Variants in MAST4 observed in about 807,000 individuals in gnomAD.
The protein encoded by MAST4 is microtubule-associated serine/threonine-protein kinase 4.
In MAST4, 89 loss-of-function variants were observed where a neutral mutation model predicts 162.7. The observed-to-expected ratio is 0.55, with a 90% confidence interval of 0.46 to 0.65. The LOEUF is 0.65. Ranked by LOEUF, MAST4 falls within the 30% of genes least tolerant of loss-of-function variation. The probability of loss-of-function intolerance (pLI) is 0.00; values close to 1 mark genes in which losing one functional copy is unlikely to be tolerated. For missense variants in MAST4, 3,153 were observed against 3,374.0 expected (o/e 0.93, Z 1.62); for synonymous variants, 1,479 against 1,361.1 (o/e 1.09, Z -1.91).
At chr5:67,038,522 T>C (rs901453941) in intron 4 of MAST4, among the ~76,000 whole-genome samples, 2 of 152,146 alleles carry the variant, frequency 1.3e-5, no homozygotes, top group Non-Finnish European at 2.9e-5. Context: ...GAAAAACAAG[T>C]TACCTTAAAA....
Position 67,119,342 on chromosome 5 carries a change from G to A in MAST4, c.1659+593G>A, listed in dbSNP as rs544334261. ...GGAAGCCAGTTCAGAGGCTCCTGCC[G>A]TGGCACAGGTGAGAGGCCCTGGATG... is the stretch of plus-strand genomic sequence containing the variant. On this transcript the variant is annotated intron_variant, in intron 13 of 28. Transcript: ENST00000403625. Among the ~76,000 whole-genome samples the A allele has an allele frequency of 5.3e-5, 8 of 152,234 alleles. No homozygotes were observed. The South Asian group carries it at 6.2e-4, about 12-fold the overall frequency.
chr5:67,035,090 G>C (rs1350279436), intron 4 of MAST4, among the ~76,000 whole-genome samples: 1 of 151,976 alleles, frequency 6.6e-6, no homozygotes, highest in African/African-American at 2.4e-5. Flanking sequence ...TTTAAGTAAA[G>C]GAGTCCTTTT....
intron 5 of MAST4, among the ~76,000 whole-genome samples, chr5:67,057,606 G>GGAAAGAA (rs1466019966): frequency 1.8e-5 from 2 of 108,786 alleles, no homozygotes; most frequent in Non-Finnish European, 4.0e-5. Flanking sequence ...AAAAAAAAAA[G>GGAAAGAA]AAGGAAAGAA....
rs57118930 is a variant in MAST4 at position 66,779,393 on chromosome 5, CTTTTTTT to C, written c.518-9260_518-9254del. On this transcript the variant is annotated intron_variant, in intron 2 of 28. Transcript: ENST00000403625. ...CCCTTGTGTGAGTAAACACATAGCACTTTTTTTTTTTTTTTTTTTTTTTAAGGCTAGA... is the reference window on the plus strand; with the variant it reads ...CCCTTGTGTGAGTAAACACATAGCACTTTTTTTTTTTTTTTTAAGGCTAGA... Among the ~76,000 whole-genome samples, 5 of 116,696 alleles carry C rather than the reference CTTTTTTT, an allele frequency of 4.3e-5. No homozygotes were observed. In the South Asian group the frequency reaches 1.2e-3, roughly 27 times the overall value. The allele number at this position is 116,696 out of a possible 152,430, so 76.6% of individuals were successfully genotyped here. A position where few individuals can be genotyped will look rare whatever the true frequency, so the allele number is the denominator to read the frequency against.
Position 67,165,190 on chromosome 5 carries a change from A to G in MAST4, c.6011A>G (p.Glu2004Gly). ...CCCTCCATGGAACTGTGCTTTCCAG[A>G]AACTGCGAAAACCAGTGACAACTCC... Reference protein sequence around the residue: ...REPSMELCFPETAKTSDNSKN... With the variant: ...REPSMELCFPGTAKTSDNSKN... The change falls in exon 29 of 29, where the codon GAA (glutamate) becomes GGA (glycine). Residue 2004 changes from glutamate to glycine, a missense_variant. Glu to Gly is a moderately conservative substitution (Grantham distance 98). Around this residue, in one of 7 missense-constraint regions of MAST4, gnomAD observed 1,644 missense variants for 1,495.0 expected, o/e 1.10. Transcript: ENST00000403625. 1 of 1,608,306 alleles carries G rather than the reference A, an allele frequency of 6.2e-7. No individual in the cohort carries two copies. The highest frequency in any genetic ancestry group is 8.5e-7 in the Non-Finnish European group (1 of 1,177,276).
At chr5:66,867,888 T>G (rs1442848606) in intron 3 of MAST4, among the ~76,000 whole-genome samples, 1 of 152,248 alleles carries the variant, frequency 6.6e-6, no homozygotes, top group Non-Finnish European at 1.5e-5. Flanking sequence ...ACCAGGAGAC[T>G]GATATCTCAG....
chr5:66,974,686 T>A (rs1273814551), intron 4 of MAST4, among the ~76,000 whole-genome samples: 2 of 152,218 alleles, frequency 1.3e-5, no homozygotes, highest in African/African-American at 4.8e-5. Context: ...ATGTTAGAAC[T>A]TTTTACCATG....
At chr5:66,855,296 C>A (rs1759596845) in intron 3 of MAST4, among the ~76,000 whole-genome samples, 1 of 152,166 alleles carries the variant, frequency 6.6e-6, no homozygotes, top group South Asian at 2.1e-4. Flanking sequence ...GAGACTCCTG[C>A]TCCTCCTTCA....
At chr5:66,629,849 C>T (rs1026785160) in intron 1 of MAST4, among the ~76,000 whole-genome samples, 18 of 152,168 alleles carry the variant, frequency 1.2e-4, no homozygotes, top group Non-Finnish European at 2.1e-4. Context: ...TTTATTATCG[C>T]TTCTTGGCCT....
intron 4 of MAST4, among the ~76,000 whole-genome samples, chr5:67,029,133 C>CT (rs1561550518): frequency 2.8e-4 from 40 of 142,714 alleles, no homozygotes; most frequent in Admixed American, 2.2e-3. Context: ...GACACTCTCT[C>CT]AAAAAAAAAA....
chr5:67,078,370 A>G (rs1207680518), intron 5 of MAST4, among the ~76,000 whole-genome samples: 1 of 150,852 alleles, frequency 6.6e-6, no homozygotes, highest in Non-Finnish European at 1.5e-5. Flanking sequence ...GACTAACAGA[A>G]GAACTCAGTG....
chr5:66,971,353 C>T (rs534018523), intron 4 of MAST4, among the ~76,000 whole-genome samples: 116 of 152,276 alleles, frequency 7.6e-4, no homozygotes, highest in African/African-American at 2.7e-3. Context: ...CCAGTCTGAG[C>T]AGCCTGTGCC....
intron 5 of MAST4, among the ~76,000 whole-genome samples, chr5:67,056,016 A>ATATATG (rs1374604142): frequency 6.7e-6 from 1 of 149,114 alleles, no homozygotes; most frequent in Non-Finnish European, 1.5e-5. Context: ...ATATATATAT[A>ATATATG]TGTACATGAT....
At chr5:67,109,781 G>A (rs952677556) in intron 10 of MAST4, among the ~76,000 whole-genome samples, 24 of 152,074 alleles carry the variant, frequency 1.6e-4, no homozygotes, top group East Asian at 3.9e-4. Flanking sequence ...TACTTGTACC[G>A]TGTGCTTAAT....
intron 4 of MAST4, among the ~76,000 whole-genome samples, chr5:66,909,040 C>T (rs547998850): frequency 8.1e-4 from 123 of 152,166 alleles, no homozygotes; most frequent in Middle Eastern, 3.4e-3. Context: ...TCTTTCTCTC[C>T]CCCCAGATCA....
intron 4 of MAST4, among the ~76,000 whole-genome samples, chr5:66,965,209 TTTTTTTTTTTTTTTGC>T (rs1330404384): frequency 1.6e-5 from 2 of 128,466 alleles, no homozygotes; most frequent in African/African-American, 2.7e-5. Context: ...TAAGAGTAGT[TTTTTTTTTTTTTTTGC>T]TTTTTTTTTT....
At chr5:66,753,240 A>T (rs1434813465) in intron 1 of MAST4, among the ~76,000 whole-genome samples, 2 of 152,296 alleles carry the variant, frequency 1.3e-5, no homozygotes, top group African/African-American at 4.8e-5. Flanking sequence ...CAATTAAGAG[A>T]ACTAGAAAAG....
At chr5:66,896,624 T>C (rs1762702078) in intron 3 of MAST4, among the ~76,000 whole-genome samples, 1 of 152,270 alleles carries the variant, frequency 6.6e-6, no homozygotes, top group Non-Finnish European at 1.5e-5. Flanking sequence ...ACGTGCGGCA[T>C]GTATAGCCAT....
Position 67,033,126 on chromosome 5 carries a change from A to G in MAST4, c.675-21278A>G, listed in dbSNP as rs185695649. 3.3e-5 allele frequency among the ~76,000 whole-genome samples: 5 copies of G among 151,952 alleles called. No homozygotes were observed. The East Asian group carries it at 9.7e-4, about 29-fold the overall frequency. ...GAGAATGGCATTCCTTTGGAAACCC[A>G]TCTCATTCTTGGCAGTTAATTAGTT... On this transcript the variant is annotated intron_variant, in intron 4 of 28. Transcript: ENST00000403625.
Sources: allele counts gnomAD v4.1 joint callset (sites outside exome capture counted in the v4.1 genomes callset), GRCh38; gene constraint gnomAD v4.1.1; regional missense constraint gnomAD v4.1.1; transcripts MANE v1.5; gene names NCBI Gene and HGNC (gene_info 2026-07-23, HGNC 2026-07-21).